The following CSMD2 variants were observed in gnomAD, a reference collection of about 807,000 sequenced individuals.
CSMD2 encodes CUB and Sushi multiple domains 2, also known as CUB and sushi domain-containing protein 2.
Under a neutral mutation model 398.5 loss-of-function variants are expected in CSMD2, and 130 were observed. The observed-to-expected ratio is 0.33, with a 90% CI of 0.28 to 0.38. The LOEUF (loss-of-function observed/expected upper bound fraction) is 0.38. Among genes scored for constraint, CSMD2 ranks in the 10% least tolerant of loss-of-function variants. CSMD2 has a pLI of 1.00. For missense variants in CSMD2, 3,829 were observed against 4,764.9 expected, an observed-to-expected ratio of 0.80 and a Z score of 5.78; for synonymous variants, 1,828 against 1,908.5, an observed-to-expected ratio of 0.96 and a Z score of 1.10.
intron 1 of CSMD2, among the ~76,000 whole-genome samples, chr1:34,136,690 C>T (rs1225599718): frequency 6.6e-6 from 1 of 152,090 alleles, no homozygotes; most frequent in Non-Finnish European, 1.5e-5. Flanking sequence ...CATTTTTTGT[C>T]CAGCCAATCC....
intron 25 of CSMD2, among the ~76,000 whole-genome samples, chr1:33,682,403 C>T (rs1204676755): frequency 6.6e-6 from 1 of 152,214 alleles, no homozygotes; most frequent in Non-Finnish European, 1.5e-5. Context: ...GGCCACCATT[C>T]AACCTACTAC....
Position 33,519,729 on chromosome 1 carries a change from G to C in CSMD2, c.10737-52C>G, listed in dbSNP as rs574800074. ...GGCATGAAAAGAGCGACACAGAGAGGCTTAGGGGTCTGGTGCGGGGGGCCC... is the reference window on the plus strand; with the variant it reads ...GGCATGAAAAGAGCGACACAGAGAGCCTTAGGGGTCTGGTGCGGGGGGCCC... On this transcript the variant is annotated intron_variant, in intron 69 of 70. Transcript: ENST00000373381. The surrounding 1 kb of genome is among the most constrained non-coding windows in gnomAD (Gnocchi z 5.6). The C allele has an allele frequency of 3.1e-6, 5 of 1,613,376 alleles. No homozygotes were observed. The African/African-American group carries it at 6.7e-5, about 22-fold the overall frequency.
chr1:33,622,811 A>G (rs115275585), intron 36 of CSMD2, among the ~76,000 whole-genome samples: 1,915 of 152,290 alleles, frequency 0.013, 42 homozygotes, highest in African/African-American at 0.044. Flanking sequence ...TTCCCACATG[A>G]CCCAGCAATT....
chr1:33,587,021 C>G (rs113442016), intron 45 of CSMD2, 67 bp downstream of exon 45: 2 of 1,293,480 alleles, frequency 1.5e-6, no homozygotes, highest in African/African-American at 2.9e-5. Flanking sequence ...CCGACAGCTC[C>G]CCCCGCCACC....
intron 48 of CSMD2, among the ~76,000 whole-genome samples, chr1:33,577,932 G>A (rs973419130): frequency 1.3e-5 from 2 of 152,186 alleles, no homozygotes; most frequent in Admixed American, 1.3e-4. Context: ...GTAACTTGGG[G>A]CAAATCACTT....
At chr1:33,707,677 G>A (rs997231747) in intron 22 of CSMD2, among the ~76,000 whole-genome samples, 11 of 136,492 alleles carry the variant, frequency 8.1e-5, no homozygotes, top group Non-Finnish European at 1.4e-4. Context: ...ACACGCACGC[G>A]TGCACACGCG....
intron 1 of CSMD2, among the ~76,000 whole-genome samples, chr1:34,120,824 C>T (rs1013633018): frequency 2.0e-5 from 3 of 152,248 alleles, no homozygotes; most frequent in East Asian, 1.9e-4. Context: ...GGATTACAGG[C>T]GTGAGGCACC....
chr1:34,041,776 C>G (rs973300033), intron 2 of CSMD2, among the ~76,000 whole-genome samples: 13 of 152,170 alleles, frequency 8.5e-5, no homozygotes, highest in Non-Finnish European at 1.6e-4. Flanking sequence ...CTTGACACAC[C>G]AATGTCCTCA....
chr1:33,962,411 A>C (rs1482179486), intron 3 of CSMD2, among the ~76,000 whole-genome samples: 1 of 151,652 alleles, frequency 6.6e-6, no homozygotes, highest in East Asian at 2.0e-4. Flanking sequence ...GTGCAAACAC[A>C]CATGCTCTGT....
intron 55 of CSMD2, among the ~76,000 whole-genome samples, chr1:33,554,473 A>T (rs1425690978): frequency 6.6e-6 from 1 of 152,076 alleles, no homozygotes; most frequent in Non-Finnish European, 1.5e-5. Flanking sequence ...GATTACACGC[A>T]TGAGCCACCG....
At chr1:33,690,976 G>A (rs887828136) in intron 25 of CSMD2, among the ~76,000 whole-genome samples, 1 of 152,174 alleles carries the variant, frequency 6.6e-6, no homozygotes, top group Admixed American at 6.5e-5. Context: ...TAGGAGCCCC[G>A]CAAGAGAGGG....
chr1:34,126,949 G>A (rs1662804746), intron 1 of CSMD2, among the ~76,000 whole-genome samples: 1 of 152,050 alleles, frequency 6.6e-6, no homozygotes, highest in Non-Finnish European at 1.5e-5. Flanking sequence ...GGCAGTAAGA[G>A]AGATGGGCAG....
chr1:33,880,332 G>A (rs1412493275), intron 5 of CSMD2, among the ~76,000 whole-genome samples: 1 of 152,062 alleles, frequency 6.6e-6, no homozygotes, highest in Non-Finnish European at 1.5e-5. Flanking sequence ...CAGCATTTGT[G>A]TTCTTATCCC....
At chr1:33,606,602 C>T (rs747166229) in intron 41 of CSMD2, among the ~76,000 whole-genome samples, 5 of 152,298 alleles carry the variant, frequency 3.3e-5, no homozygotes, top group Admixed American at 6.5e-5. Context: ...CGTTTGGCAA[C>T]GAAAGTCTCA....
At chr1:33,549,394 C>T (rs1657214542) in intron 56 of CSMD2, among the ~76,000 whole-genome samples, 1 of 152,216 alleles carries the variant, frequency 6.6e-6, no homozygotes, top group Admixed American at 6.5e-5. Context: ...GCAGGTCCCC[C>T]TCAAAGAAGA....
At chr1:33,681,216 G>A (rs879766231) in intron 25 of CSMD2, among the ~76,000 whole-genome samples, 12 of 151,988 alleles carry the variant, frequency 7.9e-5, no homozygotes, top group Non-Finnish European at 1.3e-4. Flanking sequence ...GAGACACCAC[G>A]CCTGGCTGTG....
chr1:34,063,730 GC>G (rs1654789524), intron 2 of CSMD2, among the ~76,000 whole-genome samples: 1 of 152,162 alleles, frequency 6.6e-6, no homozygotes, highest in Admixed American at 6.5e-5. Flanking sequence ...GAAGATGGTG[GC>G]CCTCTTCTCA....
At chr1:33,984,514 C>A (rs980720978) in intron 3 of CSMD2, among the ~76,000 whole-genome samples, 6 of 152,186 alleles carry the variant, frequency 3.9e-5, no homozygotes, top group African/African-American at 1.4e-4. Flanking sequence ...CAAAAGAAAT[C>A]TTGGTCTGGG....
chr1:33,873,508 TCTCTCTGGCTCTA>T (rs1640621115), intron 5 of CSMD2: 1 of 152,212 alleles, frequency 6.6e-6, no homozygotes, highest in South Asian at 2.1e-4. Context: ...TCTTATCCTC[TCTCTCTGGCTCTA>T]CTCTCTGGCT....
Sources: gnomAD v4.1 joint callset for allele counts (sites outside exome capture counted in the v4.1 genomes callset) on GRCh38, gnomAD v4.1.1 for gene constraint, Gnocchi (gnomAD v3.1) non-coding constraint, MANE v1.5 for transcripts, NCBI Gene and HGNC (gene_info 2026-07-23, HGNC 2026-07-21) for gene names.